Variants in SLC13A4 observed in about 807,000 individuals in gnomAD.
SLC13A4 encodes the protein solute carrier family 13 member 4.
A neutral mutation model predicts 72.7 loss-of-function variants in SLC13A4; 28 were observed. That is an observed-to-expected ratio of 0.39 (90% CI 0.29 to 0.53). The LOEUF (loss-of-function observed/expected upper bound fraction) is 0.53. Among genes scored for constraint, SLC13A4 ranks in the 20% least tolerant of loss-of-function variants. SLC13A4 has a pLI of 0.78. For synonymous variants in SLC13A4, 312 were observed against 325.5 expected (o/e 0.96, Z 0.45); for missense variants, 653 against 788.0 (o/e 0.83, Z 2.05).
intron 11 of SLC13A4, 33 bp from the exon 12 acceptor site, chr7:135,691,678 G>A: frequency 6.6e-7 from 1 of 1,510,316 alleles, no homozygotes; most frequent in African/African-American, 1.4e-5. Flanking sequence ...TGAGGAGAAG[G>A]GTCAGGAATT....
rs186720579 is a variant in SLC13A4, at chr7:135,698,005, C to T, written c.899+1359G>A. ...CACTTAGCTATAATGACTTGATTTCCCCCTTTTTTTCCTTTTTTAAATTTT... is the reference window on the plus strand; with the variant it reads ...CACTTAGCTATAATGACTTGATTTCTCCCTTTTTTTCCTTTTTTAAATTTT... On this transcript the variant is annotated intron_variant, in intron 8 of 15. Coordinates refer to ENST00000682651, the MANE Select transcript of SLC13A4 (RefSeq NM_001318192.2). Among the ~76,000 whole-genome samples, 12 of 152,090 alleles carry T rather than the reference C, an allele frequency of 7.9e-5. No homozygotes were observed. The East Asian group carries it at 2.3e-3, about 29-fold the overall frequency.
At chr7:135,688,877 T>C (rs1795704188) in intron 13 of SLC13A4, 1 of 152,180 alleles carries the variant, frequency 6.6e-6, no homozygotes, top group Non-Finnish European at 1.5e-5. Flanking sequence ...TTTTTGTTTT[T>C]GTTCTTGTTT....
chr7:135,695,229 C>T (rs1272734850), intron 9 of SLC13A4, 139 bp downstream of exon 9: 2 of 1,130,428 alleles, frequency 1.8e-6, no homozygotes, highest in African/African-American at 1.6e-5. Flanking sequence ...ACTCTCAGAC[C>T]AGACCACTGC....
At chr7:135,711,963 A>ATTTTTTTTTTTTTTTTTTT (rs529940903) in intron 2 of SLC13A4, among the ~76,000 whole-genome samples, 6 of 46,900 alleles carry the variant, frequency 1.3e-4, no homozygotes, top group Non-Finnish European at 1.6e-4. Flanking sequence ...ATGTTTTTGG[A>ATTTTTTTTTTTTTTTTTTT]TTTTTTTTTT....
intron 2 of SLC13A4, among the ~76,000 whole-genome samples, chr7:135,710,822 T>TG (rs1796283641): frequency 6.6e-6 from 1 of 152,280 alleles, no homozygotes; most frequent in South Asian, 2.1e-4. Flanking sequence ...GACCATTTCC[T>TG]GGGGGGAAAA....
At chr7:135,691,388 G>T (rs1584718908) in intron 12 of SLC13A4, 63 bp from the exon 13 acceptor site, 2 of 1,408,452 alleles carry the variant, frequency 1.4e-6, no homozygotes, top group Non-Finnish European at 1.9e-6. Context: ...GGAGACAGGA[G>T]CCTAATTGGT....
chr7:135,683,887 C>T, intron 15 of SLC13A4: 2 of 733,330 alleles, frequency 2.7e-6, no homozygotes, highest in African/African-American at 1.9e-5. Context: ...CCAGCTTTCT[C>T]TACCTAGGTA....
Position 135,727,506 on chromosome 7 carries a change from G to C in SLC13A4, c.-10C>G, listed in dbSNP as rs774325465. 4.5e-6 allele frequency: 7 copies of C among 1,548,222 alleles called. No homozygotes were observed. The South Asian group carries it at 8.3e-5, about 18-fold the overall frequency. On this transcript the variant is annotated 5_prime_UTR_variant, in exon 1 of 16. Coordinates refer to ENST00000682651, the MANE Select transcript of SLC13A4 (RefSeq NM_001318192.2). ...CCTGCAGCAGGCCCATCGCGCCTCT[G>C]TCCTCTCCAGCTCGTCCTTGGACCC...
At chr7:135,708,375 G>T (rs1239210524) in intron 2 of SLC13A4, 125 bp from the exon 3 acceptor site, 7 of 1,311,138 alleles carry the variant, frequency 5.3e-6, no homozygotes, top group Non-Finnish European at 7.4e-6. Context: ...CGAAGGGGAG[G>T]CAGGGGGGTG....
intron 2 of SLC13A4, among the ~76,000 whole-genome samples, chr7:135,718,468 A>G (rs1448118675): frequency 1.3e-5 from 2 of 152,132 alleles, no homozygotes; most frequent in African/African-American, 2.4e-5. Flanking sequence ...GCTGGGCTAC[A>G]GACAGGCCAT....
At position 135,725,919 on chromosome 7, in the gene SLC13A4, C is replaced by T. The variant is rs545042637; in HGVS notation, c.99+1479G>A. ...AGGAGCTCAAGGCTGCAGTGAGCTA[C>T]GATTGTGCCACCGCACTCCGGACTG... On this transcript the variant is annotated intron_variant, in intron 1 of 15. Transcript: ENST00000682651. Among the ~76,000 whole-genome samples the T allele has an allele frequency of 1.8e-4, 28 of 152,248 alleles. No homozygotes were observed. The East Asian group carries it at 3.1e-3, about 17-fold the overall frequency.
chr7:135,692,583 G>A, intron 10 of SLC13A4, 159 bp from the exon 11 acceptor site: 1 of 596,454 alleles, frequency 1.7e-6, no homozygotes, highest in East Asian at 2.9e-5. Flanking sequence ...GAGATGAGGA[G>A]AAGACTGAGT....
rs772435864 is a variant in SLC13A4 at position 135,691,541 on chromosome 7, C to T, written c.1321+7G>A. On this transcript the variant is annotated splice_region_variant and intron_variant, in intron 12 of 15. Transcript: ENST00000682651. ...AGAGCTACCCCCAGTTTCTTCCCTT[C>T]TCTCACCATCATTCTTTTTCCCAAA... 1.9e-6 allele frequency: 3 copies of T among 1,606,736 alleles called. No individual in the cohort carries two copies. The highest frequency in any genetic ancestry group is 2.2e-5 in the South Asian group (2 of 90,922).
rs1489974998 is a variant in SLC13A4 at position 135,681,367 on chromosome 7, C to T, written c.*196G>A. The T allele has an allele frequency of 1.3e-5, 7 of 533,002 alleles. No homozygotes were observed. The highest frequency in any genetic ancestry group is 7.6e-5 in the African/African-American group (4 of 52,972). The allele number at this position is 533,002 out of a possible 1,614,324, so 33.0% of individuals were successfully genotyped here. ...GAGGGCAGGAAGAAGACACTAACAG[C>T]GAAGCATGTGTTTGTGGTTGTTGGA... On this transcript the variant is annotated 3_prime_UTR_variant, in exon 16 of 16. Transcript: ENST00000682651.
rs946072768 is a variant in SLC13A4 at position 135,700,190 on chromosome 7, C to T, written c.715-642G>A. On this transcript the variant is annotated intron_variant, in intron 7 of 15. Transcript: ENST00000682651. ...TTCTTTTCTCCTTGCCTGACTTTTC[C>T]TCTCTACTTTTTTCTTCCCCCTTGC... is the stretch of plus-strand genomic sequence containing the variant. 3.5e-4 allele frequency among the ~76,000 whole-genome samples: 54 copies of T among 152,138 alleles called. 1 individual carries two copies. The highest frequency in any genetic ancestry group is 1.2e-3 in the African/African-American group (51 of 41,428).
chr7:135,721,731 G>A (rs1445421845), intron 1 of SLC13A4, among the ~76,000 whole-genome samples: 4 of 152,152 alleles, frequency 2.6e-5, no homozygotes, highest in African/African-American at 9.7e-5. Context: ...CTGCTCCTTC[G>A]GGGACCGATG....
intron 2 of SLC13A4, among the ~76,000 whole-genome samples, chr7:135,717,079 G>A (rs1038533285): frequency 2.6e-5 from 4 of 152,134 alleles, no homozygotes; most frequent in African/African-American, 7.2e-5. Flanking sequence ...GCCAGCTAGC[G>A]CATCCAACTT....
At chr7:135,708,997 T>A (rs902727804) in intron 2 of SLC13A4, among the ~76,000 whole-genome samples, 5 of 137,316 alleles carry the variant, frequency 3.6e-5, no homozygotes, top group Non-Finnish European at 7.7e-5. Flanking sequence ...TGGTGCGATC[T>A]CGGCTCACTG....
intron 1 of SLC13A4, among the ~76,000 whole-genome samples, chr7:135,725,752 G>A (rs1013227947): frequency 1.3e-5 from 2 of 152,142 alleles, no homozygotes; most frequent in Non-Finnish European, 2.9e-5. Context: ...CAGACCATGA[G>A]TTTGAGACCA....
Sources: gnomAD v4.1 joint callset for allele counts (sites outside exome capture counted in the v4.1 genomes callset) on GRCh38, gnomAD v4.1.1 for gene constraint, MANE v1.5 for transcripts, NCBI Gene and HGNC (gene_info 2026-07-23, HGNC 2026-07-21) for gene names.